The following DTNA variants were observed in gnomAD, a reference collection of about 807,000 sequenced individuals.
The protein encoded by DTNA is dystrobrevin alpha.
A neutral mutation model predicts 100.7 loss-of-function variants in DTNA; 43 were observed. That is an observed-to-expected ratio of 0.43 (90% CI 0.33 to 0.55). DTNA has a LOEUF of 0.55. DTNA is among the 20% of genes least tolerant of loss of function. DTNA has a pLI of 0.04. For missense variants in DTNA, 798 were observed against 953.9 expected (o/e 0.84, Z 2.15); for synonymous variants, 349 against 347.9 (o/e 1.00, Z -0.04).
At chr18:34,788,305 A>G (rs1419603643) in intron 3 of DTNA, among the ~76,000 whole-genome samples, 1 of 152,242 alleles carries the variant, frequency 6.6e-6, no homozygotes. Flanking sequence ...ATTTAAATAA[A>G]CAAAAGGCTT....
chr18:34,851,235 G>A (rs1214049705), intron 14 of DTNA, among the ~76,000 whole-genome samples: 1 of 152,054 alleles, frequency 6.6e-6, no homozygotes, highest in African/African-American at 2.4e-5. Flanking sequence ...CCTAGTAGCT[G>A]GTATTACAGG....
At chr18:34,790,445 A>T (rs527301586) in intron 3 of DTNA, among the ~76,000 whole-genome samples, 2 of 130,894 alleles carry the variant, frequency 1.5e-5, no homozygotes, top group African/African-American at 3.0e-5. Context: ...GTAGATGAGA[A>T]GTACACAGGG....
intron 1 of DTNA, chr18:34,493,925 G>C (rs1262023879): frequency 6.8e-6 from 1 of 148,078 alleles, no homozygotes; most frequent in African/African-American, 2.4e-5. Flanking sequence ...GGACTGCGGC[G>C]CGGCGCCTCC....
chr18:34,553,815 C>T (rs1184492499), intron 1 of DTNA, among the ~76,000 whole-genome samples: 1 of 152,148 alleles, frequency 6.6e-6, no homozygotes, highest in Non-Finnish European at 1.5e-5. Context: ...TAGTGTGATG[C>T]CTCCAGCTTT....
intron 16 of DTNA, among the ~76,000 whole-genome samples, chr18:34,863,446 A>G (rs1051532641): frequency 2.6e-5 from 4 of 152,234 alleles, no homozygotes; most frequent in African/African-American, 4.8e-5. Context: ...AATGGATTGT[A>G]TCTACGTGCT....
intron 3 of DTNA, 36 bp downstream of exon 3, chr18:34,766,077 T>C: frequency 6.2e-7 from 1 of 1,600,866 alleles, no homozygotes; most frequent in African/African-American, 1.3e-5. Context: ...ATTACCATCA[T>C]GAATCCTATA....
rs1268810426 is a variant in DTNA, at chr18:34,825,273, T to A, written c.1002-2320T>A. The A allele has an allele frequency of 7.4e-6, 12 of 1,613,306 alleles. No individual in the cohort carries two copies. Among genetic ancestry groups the A allele is most frequent in the Non-Finnish European group, 1.0e-5 (12 of 1,179,922 alleles). ...AATTCTTCGCTGCCAAAAGTGATAC[T>A]TGGTAAGTAGTGCAGTCATTTCCAG... On this transcript the variant is annotated intron_variant, in intron 9 of 22. Coordinates refer to ENST00000444659, the MANE Select transcript of DTNA (RefSeq NM_001386795.1).
intron 1 of DTNA, among the ~76,000 whole-genome samples, chr18:34,592,805 A>G (rs546064984): frequency 2.6e-4 from 40 of 152,300 alleles, no homozygotes; most frequent in African/African-American, 7.9e-4. Flanking sequence ...AGCCATTGCC[A>G]TCCTCTGTAA....
At chr18:34,816,169 G>A (rs2149387522) in intron 7 of DTNA, among the ~76,000 whole-genome samples, 155 bp downstream of exon 7, 1 of 152,294 alleles carries the variant, frequency 6.6e-6, no homozygotes, top group East Asian at 1.9e-4. Flanking sequence ...CCCTGTTCGG[G>A]AAGGCCTTAA....
chr18:34,704,554 C>G (rs1398044295), intron 1 of DTNA, among the ~76,000 whole-genome samples: 1 of 152,198 alleles, frequency 6.6e-6, no homozygotes, highest in Non-Finnish European at 1.5e-5. Flanking sequence ...TGTCTACTCT[C>G]AAATCAGTTG....
chr18:34,541,924 A>G (rs1408675537), intron 1 of DTNA, among the ~76,000 whole-genome samples: 3 of 152,092 alleles, frequency 2.0e-5, no homozygotes, highest in Non-Finnish European at 2.9e-5. Context: ...AGTGAAGGTC[A>G]ACAACCCTAA....
intron 1 of DTNA, among the ~76,000 whole-genome samples, chr18:34,736,352 T>C (rs191710921): frequency 5.9e-5 from 9 of 152,352 alleles, no homozygotes; most frequent in African/African-American, 1.7e-4. Flanking sequence ...GAATTATATA[T>C]GAACCATAAT....
chr18:34,841,341 A>G (rs2096264837), intron 13 of DTNA, among the ~76,000 whole-genome samples: 1 of 152,120 alleles, frequency 6.6e-6, no homozygotes, highest in Admixed American at 6.6e-5. Flanking sequence ...GAAACTGTAT[A>G]TCTTATTCTA....
At chr18:34,881,937 A>G in intron 20 of DTNA, 132 bp from the exon 21 acceptor site, 2 of 1,255,632 alleles carry the variant, frequency 1.6e-6, no homozygotes, top group Non-Finnish European at 2.3e-6. Context: ...GTATTACTAA[A>G]GAAGACATGA....
intron 1 of DTNA, among the ~76,000 whole-genome samples, chr18:34,526,603 A>G (rs889898589): frequency 6.6e-6 from 1 of 152,162 alleles, no homozygotes; most frequent in African/African-American, 2.4e-5. Context: ...CTATACTTAC[A>G]TAATCAAATA....
intron 1 of DTNA, among the ~76,000 whole-genome samples, chr18:34,661,812 G>A (rs2075235633): frequency 6.6e-6 from 1 of 152,060 alleles, no homozygotes; most frequent in Non-Finnish European, 1.5e-5. Flanking sequence ...TTATATATTT[G>A]GAGAAATCAA....
Position 34,794,099 on chromosome 18 carries a change from G to A in DTNA, c.211G>A (p.Asp71Asn). ...ALRENALNNL[D>N]PNTELNVSRL... ...GCGGGAAAATGCTCTGAACAACCTG[G>A]ACCCAAACACTGAACTCAACGTGTC... Residue 71 changes from aspartate to asparagine, a missense_variant, in exon 4 of 23, where the codon GAC (aspartate) becomes AAC (asparagine). Physicochemically the swap from Asp to Asn is conservative, Grantham distance 23. This residue lies in a region of DTNA where 197 missense variants were observed against 215.4 expected (regional missense o/e 0.91). Coordinates refer to ENST00000444659, the MANE Select transcript of DTNA (RefSeq NM_001386795.1). 1 of 1,614,072 alleles carries A rather than the reference G, an allele frequency of 6.2e-7. No individual in the cohort carries two copies. Among genetic ancestry groups the A allele is most frequent in the Non-Finnish European group, 8.5e-7 (1 of 1,180,016 alleles).
At chr18:34,873,154 G>T (rs1010851088) in intron 17 of DTNA, among the ~76,000 whole-genome samples, 2 of 152,172 alleles carry the variant, frequency 1.3e-5, no homozygotes. Flanking sequence ...AAACAAAACA[G>T]TGTATGTAAA....
Position 34,799,540 on chromosome 18 carries a change from T to C in DTNA, c.362+5290T>C, listed in dbSNP as rs551272267. 1.6e-4 allele frequency among the ~76,000 whole-genome samples: 25 copies of C among 152,336 alleles called. No individual in the cohort carries two copies. In the East Asian group the frequency reaches 4.2e-3, roughly 26 times the overall value. The stretch of plus-strand genomic sequence containing the variant: ...TAAAAAACCAAATGTTCTTCTCTTT[T>C]ATTATCTATACAGCCAAGACTAGAT... On this transcript the variant is annotated intron_variant, in intron 4 of 22. Coordinates refer to ENST00000444659, the MANE Select transcript of DTNA (RefSeq NM_001386795.1).
Sources: gnomAD v4.1 joint callset for allele counts (sites outside exome capture counted in the v4.1 genomes callset) on GRCh38, gnomAD v4.1.1 for gene constraint, gnomAD v4.1.1 regional missense constraint, MANE v1.5 for transcripts, NCBI Gene and HGNC (gene_info 2026-07-23, HGNC 2026-07-21) for gene names.